PRR36: variants seen among roughly 807,000 people sequenced by gnomAD.
PRR36 encodes proline-rich protein 36.
A neutral mutation model predicts 58.6 loss-of-function variants in PRR36; 30 were observed. The ratio of observed to expected loss-of-function variants is 0.51; its 90% CI spans 0.38 to 0.69. The LOEUF is 0.69. PRR36 is among the 30% of genes least tolerant of loss of function. PRR36 has a pLI of 0.00. For synonymous variants in PRR36, 771 were observed against 829.3 expected (o/e 0.93, Z 1.21); for missense variants, 1,692 against 1,805.6 (o/e 0.94, Z 1.14).
rs762431759 is a variant in PRR36, at chr19:7,870,044, G to C, written c.3200C>G (p.Ser1067Cys). The C allele has an allele frequency of 1.0e-5, 15 of 1,461,424 alleles. No homozygotes were observed. In the East Asian group the frequency reaches 3.3e-4, roughly 32 times the overall value. The allele number at this position is 1,461,424 out of a possible 1,614,324, so 90.5% of individuals were successfully genotyped here. A position where few individuals can be genotyped will look rare whatever the true frequency, so the allele number is the denominator to read the frequency against. The change falls in exon 5 of 6, where the codon TCT becomes TGT. Residue 1067 changes from serine to cysteine, a missense_variant. Physicochemically the swap from Ser to Cys is moderately radical, Grantham distance 112. Around this residue, in one of 5 missense-constraint regions of PRR36, gnomAD observed 485 missense variants for 549.2 expected, o/e 0.88. Transcript: ENST00000618550. ...CTGCAGGGTGGGTGAGGCAGGGGGA[G>C]AGGGAGGGACCTGCAGAAGGGGCGC... ...LAAPLLQVPP[S>C]PPASPTLQAP...
chr19:7,870,863 G>T lies in PRR36; in HGVS notation c.2381C>A (p.Pro794Gln), dbSNP rs1599588957. The stretch of plus-strand genomic sequence containing the variant: ...AGGGGGCGTGGTCAATGGCGAAGGT[G>T]GTGCTTGCAGAGGGCATGGGGCTGG... ...PCPAPCPLQA[P>Q]PSPLTTPPPE... The change falls in exon 5 of 6, where the codon CCA (proline) becomes CAA (glutamine). Residue 794 changes from proline to glutamine, a missense_variant. Coordinates refer to ENST00000618550, the MANE Select transcript of PRR36 (RefSeq NM_001190467.2). The T allele has an allele frequency of 2.8e-6, 4 of 1,445,346 alleles. No homozygotes were observed. Among genetic ancestry groups the T allele is most frequent in the Non-Finnish European group, 3.6e-6 (4 of 1,106,180 alleles). The allele number at this position is 1,445,346 out of a possible 1,614,324, so 89.5% of individuals were successfully genotyped here.
rs975946952 is a variant in PRR36 at position 7,873,319 on chromosome 19, T to A, written c.272-20A>T. On this transcript the variant is annotated intron_variant, in intron 2 of 5. Coordinates refer to ENST00000618550, the MANE Select transcript of PRR36 (RefSeq NM_001190467.2). This position sits in a 1 kb window ranked among gnomAD's most constrained non-coding sequence, Gnocchi z 5.0. ...TGGAGGCTGCGGGGAGAAGGCCGAGTCACAGGTGCCCCGGAGAGGTGGCAG... is the reference window on the plus strand; with the variant it reads ...TGGAGGCTGCGGGGAGAAGGCCGAGACACAGGTGCCCCGGAGAGGTGGCAG... 2.0e-6 allele frequency: 3 copies of A among 1,525,184 alleles called. No homozygotes were observed. The highest frequency in any genetic ancestry group is 2.6e-6 in the Non-Finnish European group (3 of 1,141,512). The allele number at this position is 1,525,184 out of a possible 1,614,324, so 94.5% of individuals were successfully genotyped here. A position where few individuals can be genotyped will look rare whatever the true frequency, so the allele number is the denominator to read the frequency against.
In PRR36 at chr19:7,870,259, A is replaced by G; in HGVS notation, c.2985T>C (p.Pro995=). ...APPLQVPPSP[P]ASLPMSPLAK... ...CCAAAGGAGACATTGGGAGTGAGGC[A>G]GGGGGAGAGGGCGGGACCTGCAGAG... is the stretch of plus-strand genomic sequence containing the variant. Residue 995 remains proline, a synonymous_variant, in exon 5 of 6, where the codon CCT becomes CCC. Transcript: ENST00000618550. 8.6e-7 allele frequency: 1 copy of G among 1,160,466 alleles called. No homozygotes were observed. The highest frequency in any genetic ancestry group is 1.9e-5 in the South Asian group (1 of 54,006). The allele number at this position is 1,160,466 out of a possible 1,614,324, so 71.9% of individuals were successfully genotyped here. A position where few individuals can be genotyped will look rare whatever the true frequency, so the allele number is the denominator to read the frequency against.
Position 7,873,495 on chromosome 19 carries a change from G to A in PRR36, c.195C>T (p.Ile65=), listed in dbSNP as rs1446694548. 4 of 1,535,390 alleles carry A rather than the reference G, an allele frequency of 2.6e-6. No individual in the cohort carries two copies. In the Admixed American group the frequency reaches 7.8e-5, roughly 30 times the overall value. Reference sequence around the variant, plus strand: ...CAGACTCGGGAATAGTGGCCCCGCCGATGCCCCCCGCTCGCTCTGCCAGAG... The same window carrying A: ...CAGACTCGGGAATAGTGGCCCCGCCAATGCCCCCCGCTCGCTCTGCCAGAG... ...RKPLAERAGG[I]GGATIPESAP... is the part of the protein sequence containing the mutation. Residue 65 remains isoleucine, a synonymous_variant, in exon 2 of 6, where the codon ATC becomes ATT. Coordinates refer to ENST00000618550, the MANE Select transcript of PRR36 (RefSeq NM_001190467.2). This position sits in a 1 kb window ranked among gnomAD's most constrained non-coding sequence, Gnocchi z 5.0.
rs1485749535 is a variant in PRR36 at position 7,872,265 on chromosome 19, G to C, written c.979C>G (p.Leu327Val). The change falls in exon 5 of 6, where the codon CTG becomes GTG. Residue 327 changes from leucine (L) to valine (V), a missense_variant. Transcript: ENST00000618550. The surrounding 1 kb of genome is among the most constrained non-coding windows in gnomAD (Gnocchi z 6.1). Reference sequence around the variant, plus strand: ...GGAGAGGGAGGGAGCGTGGCTGGCAGGGGAGTGGCTGCATTGTCGGGAGGC... The same window carrying C: ...GGAGAGGGAGGGAGCGTGGCTGGCACGGGAGTGGCTGCATTGTCGGGAGGC... ...VPPPDNAATP[L>V]PATLPPSPPV... 1.4e-6 allele frequency: 2 copies of C among 1,457,040 alleles called. No homozygotes were observed. Among genetic ancestry groups the C allele is most frequent in the Non-Finnish European group, 1.8e-6 (2 of 1,110,988 alleles). The allele number at this position is 1,457,040 out of a possible 1,614,324, so 90.3% of individuals were successfully genotyped here.
chr19:7,869,618 C>A, intron 5 of PRR36, 74 bp from the exon 6 acceptor site: 6 of 1,472,264 alleles, frequency 4.1e-6, no homozygotes, highest in Non-Finnish European at 5.4e-6. Flanking sequence ...GCCTCCTTGT[C>A]TAAGCTCCGC....
Position 7,871,433 on chromosome 19 carries a change from G to C in PRR36, c.1811C>G (p.Ser604Cys). The change falls in exon 5 of 6, where the codon TCT (serine) becomes TGT (cysteine). Residue 604 changes from serine (S) to cysteine (C), a missense_variant. Physicochemically the swap from Ser to Cys is moderately radical, Grantham distance 112. This residue lies in a region of PRR36 where 975 missense variants were observed against 955.2 expected (regional missense o/e 1.02). Coordinates refer to ENST00000618550, the MANE Select transcript of PRR36 (RefSeq NM_001190467.2). ...CTGCAGAGAGGACAAAGCCAGAGGA[G>C]AGGGAGGTGCCTGCAGAGACGGTGA... ...LTSPSLQAPP[S>C]PLALSSLQAT... 6.5e-7 allele frequency: 1 copy of C among 1,535,912 alleles called. No homozygotes were observed. Among genetic ancestry groups the C allele is most frequent in the Non-Finnish European group, 8.7e-7 (1 of 1,146,850 alleles).
In PRR36 at chr19:7,869,716, T is replaced by C; in HGVS notation, c.3528A>G (p.Pro1176=). ...GGCCGGGTCTGGGGTGCCCCTTACC[T>C]GGGGCTCCGCGGAAAGCCAGCGGCG... is the stretch of plus-strand genomic sequence containing the variant. The part of the protein sequence containing the change: ...PAPPLAFRGA[P]GAPLPWPPAT... The change falls in exon 5 of 6, where the codon CCA becomes CCG. Residue 1176 remains proline, a splice_region_variant and synonymous_variant. Coordinates refer to ENST00000618550, the MANE Select transcript of PRR36 (RefSeq NM_001190467.2). 1 of 1,343,978 alleles carries C rather than the reference T, an allele frequency of 7.4e-7. No individual in the cohort carries two copies. Among genetic ancestry groups the C allele is most frequent in the South Asian group, 1.8e-5 (1 of 55,772 alleles). 83.3% of individuals were successfully genotyped at this position (1,343,978 alleles called of 1,614,324 possible). A position where few individuals can be genotyped will look rare whatever the true frequency, so the allele number is the denominator to read the frequency against.
At position 7,873,301 on chromosome 19, in the gene PRR36, T is replaced by TGCGGGGAGAAGGCCGAGTCACAGGTGCC; in HGVS notation, c.272-30_272-3dup. On this transcript the variant is annotated splice_region_variant and splice_polypyrimidine_tract_variant and intron_variant, in intron 2 of 5. Transcript: ENST00000618550. The surrounding 1 kb of genome is among the most constrained non-coding windows in gnomAD (Gnocchi z 5.0). Reference sequence around the variant, plus strand: ...TCCCAGAGGCTGGGGGCCTGGAGGCTGCGGGGAGAAGGCCGAGTCACAGGT... The same window carrying TGCGGGGAGAAGGCCGAGTCACAGGTGCC: ...TCCCAGAGGCTGGGGGCCTGGAGGCTGCGGGGAGAAGGCCGAGTCACAGGTGCCGCGGGGAGAAGGCCGAGTCACAGGT... 7.8e-6 allele frequency: 12 copies of TGCGGGGAGAAGGCCGAGTCACAGGTGCC among 1,530,336 alleles called. No individual in the cohort carries two copies. Among genetic ancestry groups the TGCGGGGAGAAGGCCGAGTCACAGGTGCC allele is most frequent in the Non-Finnish European group, 1.0e-5 (12 of 1,144,418 alleles). 94.8% of individuals were successfully genotyped at this position (1,530,336 alleles called of 1,614,324 possible). A position where few individuals can be genotyped will look rare whatever the true frequency, so the allele number is the denominator to read the frequency against.
Position 7,869,225 on chromosome 19 carries a change from A to G in PRR36, c.3849T>C (p.Gly1283=), listed in dbSNP as rs1025799443. 14 of 1,508,938 alleles carry G rather than the reference A, an allele frequency of 9.3e-6. No homozygotes were observed. In the African/African-American group the frequency reaches 1.6e-4, roughly 17 times the overall value. 93.5% of individuals were successfully genotyped at this position (1,508,938 alleles called of 1,614,324 possible). A position where few individuals can be genotyped will look rare whatever the true frequency, so the allele number is the denominator to read the frequency against. ...CCCCTGTGACGCCACCACCCTCCGC[A>G]CCTCCTGGGCCCCCGCCGCTGCCGC... The part of the protein sequence containing the change: ...AAGGSGGGPG[G]AEGGGVTGGA... The change falls in exon 6 of 6, where the codon GGT becomes GGC. Residue 1283 remains glycine, a synonymous_variant. Coordinates refer to ENST00000618550, the MANE Select transcript of PRR36 (RefSeq NM_001190467.2).
chr19:7,873,111 G>A lies in PRR36; in HGVS notation c.374+86C>T, dbSNP rs988517500. On this transcript the variant is annotated intron_variant, in intron 3 of 5. Coordinates refer to ENST00000618550, the MANE Select transcript of PRR36 (RefSeq NM_001190467.2). The surrounding 1 kb of genome is among the most constrained non-coding windows in gnomAD (Gnocchi z 5.0). ...TGCCCAGTGACCTGCAAGTGCTCCC[G>A]CGCCCCAACTCGTGTAAAATAAAAG... is the stretch of plus-strand genomic sequence containing the variant. 6.4e-6 allele frequency: 9 copies of A among 1,405,604 alleles called. No homozygotes were observed. Among genetic ancestry groups the A allele is most frequent in the South Asian group, 1.2e-5 (1 of 80,708 alleles). 87.1% of individuals were successfully genotyped at this position (1,405,604 alleles called of 1,614,324 possible).
At position 7,869,459 on chromosome 19, in the gene PRR36, C is replaced by T; in HGVS notation, c.3615G>A (p.Ser1205=). The change falls in exon 6 of 6, where the codon TCG becomes TCA. Residue 1205 remains serine (S), a synonymous_variant. Coordinates refer to ENST00000618550, the MANE Select transcript of PRR36 (RefSeq NM_001190467.2). ...CCAGTGCGCCAGGGGCGGGGGTCGCCGACTCGGGCCCTTCAGTCTCGTAGA... is the reference window on the plus strand; with the variant it reads ...CCAGTGCGCCAGGGGCGGGGGTCGCTGACTCGGGCCCTTCAGTCTCGTAGA... ...CTIYETEGPE[S]ATPAPGALDP... 1 of 1,503,192 alleles carries T rather than the reference C, an allele frequency of 6.7e-7. No individual in the cohort carries two copies. Among genetic ancestry groups the T allele is most frequent in the East Asian group, 2.8e-5 (1 of 35,696 alleles). 93.1% of individuals were successfully genotyped at this position (1,503,192 alleles called of 1,614,324 possible).
Position 7,871,701 on chromosome 19 carries a change from G to C in PRR36, c.1543C>G (p.Leu515Val), listed in dbSNP as rs1006315891. The change falls in exon 5 of 6, where the codon CTG becomes GTG. Residue 515 changes from leucine to valine, a missense_variant. Physicochemically the swap from Leu to Val is conservative, Grantham distance 32. This residue lies in a region of PRR36 where 975 missense variants were observed against 955.2 expected (regional missense o/e 1.02). Transcript: ENST00000618550. The part of the protein sequence containing the change: ...PPSLQATPHT[L>V]ATLPLQDSPL... ...GAGTCCTGCAGAGGAAGAGTGGCCAGAGTGTGGGGCGTGGCCTGGAGAGAG... is the reference window on the plus strand; with the variant it reads ...GAGTCCTGCAGAGGAAGAGTGGCCACAGTGTGGGGCGTGGCCTGGAGAGAG... 6.5e-7 allele frequency: 1 copy of C among 1,536,072 alleles called. No homozygotes were observed. The highest frequency in any genetic ancestry group is 1.2e-5 in the South Asian group (1 of 84,064).
rs1410021400 is a variant in PRR36, at chr19:7,873,039, G to A, written c.375-78C>T. 2 of 1,378,218 alleles carry A rather than the reference G, an allele frequency of 1.5e-6. No homozygotes were observed. Among genetic ancestry groups the A allele is most frequent in the Non-Finnish European group, 2.0e-6 (2 of 1,009,300 alleles). The allele number at this position is 1,378,218 out of a possible 1,614,324, so 85.4% of individuals were successfully genotyped here. A position where few individuals can be genotyped will look rare whatever the true frequency, so the allele number is the denominator to read the frequency against. ...GTCTCTATTTTCCCATCTGTGAAAT[G>A]GGCATGTGCCCTCTCTGAGGACCAA... On this transcript the variant is annotated intron_variant, in intron 3 of 5. Transcript: ENST00000618550. This position sits in a 1 kb window ranked among gnomAD's most constrained non-coding sequence, Gnocchi z 5.0.
In PRR36 at chr19:7,870,748, A is replaced by AG; in HGVS notation, c.2495dup (p.Leu833SerfsTer173). The AG allele has an allele frequency of 2.6e-6, 3 of 1,139,522 alleles. No individual in the cohort carries two copies. Among genetic ancestry groups the AG allele is most frequent in the South Asian group, 2.1e-5 (1 of 46,714 alleles). 70.6% of individuals were successfully genotyped at this position (1,139,522 alleles called of 1,614,324 possible). A position where few individuals can be genotyped will look rare whatever the true frequency, so the allele number is the denominator to read the frequency against. ...GAGGGGGCGTGGCCAAAGGAGACAG[A>AG]GGGGGAGAGGGCAGGCCCTGCAAAG... is the stretch of plus-strand genomic sequence containing the variant. On this transcript the variant is annotated frameshift_variant, in exon 5 of 6. Transcript: ENST00000618550. LOFTEE classifies it high-confidence loss of function.
rs2145074581 is a variant in PRR36, at chr19:7,874,332, G to C, written c.-54C>G. On this transcript the variant is annotated 5_prime_UTR_variant, in exon 1 of 6. Transcript: ENST00000618550. This position sits in a 1 kb window ranked among gnomAD's most constrained non-coding sequence, Gnocchi z 6.0. ...GCTCCTCACAGAGTCGCCTGGGGTG[G>C]GGCCCGGGCCGGAGCGACGCGGTGG... 6.6e-6 allele frequency: 1 copy of C among 151,768 alleles called. No homozygotes were observed. Among genetic ancestry groups the C allele is most frequent in the East Asian group, 1.9e-4 (1 of 5,164 alleles). 9.4% of individuals were successfully genotyped at this position (151,768 alleles called of 1,614,324 possible).
rs1223666749 is a variant in PRR36, at chr19:7,869,100, A to T, written c.3974T>A (p.Phe1325Tyr). ...SRASITSVTSFSPDDVASPQG... is the reference protein window; with the variant it reads ...SRASITSVTSYSPDDVASPQG... ...CGGGGAGGCCACGTCGTCCGGAGAGAAGCTGGTGACCGAGGTGATGCTGGC... is the reference window on the plus strand; with the variant it reads ...CGGGGAGGCCACGTCGTCCGGAGAGTAGCTGGTGACCGAGGTGATGCTGGC... Residue 1325 changes from phenylalanine (F) to tyrosine (Y), a missense_variant, in exon 6 of 6, where the codon TTC (phenylalanine) becomes TAC (tyrosine). By Grantham distance (22) the Phe-to-Tyr change is conservative. Transcript: ENST00000618550. The T allele has an allele frequency of 6.5e-7, 1 of 1,534,588 alleles. No individual in the cohort carries two copies. Among genetic ancestry groups the T allele is most frequent in the South Asian group, 1.2e-5 (1 of 83,914 alleles).
Position 7,869,322 on chromosome 19 carries a change from G to A in PRR36, c.3752C>T (p.Ala1251Val). ...GTGCTGCACGACGCTCGCCTGCAGC[G>A]CCCCCAGTGGCAGCTCGCCCAGGCG... ...QARLGELPLG[A>V]LQASVVQHLL... The change falls in exon 6 of 6, where the codon GCG (alanine) becomes GTG (valine). Residue 1251 changes from alanine (A) to valine (V), a missense_variant. Ala to Val is a moderately conservative substitution (Grantham distance 64). This residue lies in a region of PRR36 where 485 missense variants were observed against 549.2 expected (regional missense o/e 0.88). Transcript: ENST00000618550. 5 of 1,426,538 alleles carry A rather than the reference G, an allele frequency of 3.5e-6. No individual in the cohort carries two copies. The highest frequency in any genetic ancestry group is 3.0e-5 in the East Asian group (1 of 33,392). 88.4% of individuals were successfully genotyped at this position (1,426,538 alleles called of 1,614,324 possible). A position where few individuals can be genotyped will look rare whatever the true frequency, so the allele number is the denominator to read the frequency against.
At position 7,869,868 on chromosome 19, in the gene PRR36, C is replaced by A; in HGVS notation, c.3376G>T (p.Ala1126Ser). 2 of 1,335,110 alleles carry A rather than the reference C, an allele frequency of 1.5e-6. No individual in the cohort carries two copies. The highest frequency in any genetic ancestry group is 1.9e-6 in the Non-Finnish European group (2 of 1,049,106). 82.7% of individuals were successfully genotyped at this position (1,335,110 alleles called of 1,614,324 possible). ...CGCAGCTCCTCTGGCGTGCTCGTGG[C>A]GCTGCTGCTGTGGCCGGCCAGGTCT... ...GPDLAGHSSS[A>S]TSTPEELRGY... is the part of the protein sequence containing the mutation. The change falls in exon 5 of 6, where the codon GCC (alanine) becomes TCC (serine). Residue 1126 changes from alanine to serine, a missense_variant. Physicochemically the swap from Ala to Ser is moderately conservative, Grantham distance 99. This residue lies in a region of PRR36 where 485 missense variants were observed against 549.2 expected (regional missense o/e 0.88). Coordinates refer to ENST00000618550, the MANE Select transcript of PRR36 (RefSeq NM_001190467.2).
Sources: gnomAD v4.1 joint callset for allele counts on GRCh38, gnomAD v4.1.1 for gene constraint, gnomAD v4.1.1 regional missense constraint, Gnocchi (gnomAD v3.1) non-coding constraint, MANE v1.5 for transcripts, NCBI Gene and HGNC (gene_info 2026-07-23, HGNC 2026-07-21) for gene names.